SGO1: variants seen among roughly 807,000 people sequenced by gnomAD.
The protein encoded by SGO1 is shugoshin 1, also known as serologically defined breast cancer antigen NY-BR-85.
A neutral mutation model predicts 50.5 loss-of-function variants in SGO1; 39 were observed. The observed-to-expected ratio is 0.77, with a 90% CI of 0.60 to 1.01. The LOEUF (loss-of-function observed/expected upper bound fraction) is 1.01. Ranked by LOEUF, SGO1 falls within the 50% of genes least tolerant of loss-of-function variation. The pLI, the probability that SGO1 is intolerant of heterozygous loss-of-function variation, is 0.00. For synonymous variants in SGO1, 191 were observed against 205.1 expected, an observed-to-expected ratio of 0.93 and a Z score of 0.59; for missense variants, 638 against 606.0, an observed-to-expected ratio of 1.05 and a Z score of -0.55.
Position 20,171,175 on chromosome 3 carries a change from A to T in SGO1, c.1340T>A (p.Val447Asp). ...PHLSLKDITN[V>D]SLYPVVKIRR... ...GATTTTCACAACAGGATACAAGGAG[A>T]CATTGGTGATATCCTTCAGGCTAAG... Residue 447 changes from valine to aspartate, a missense_variant, in exon 7 of 8, where the codon GTC becomes GAC. Physicochemically the swap from Val to Asp is radical, Grantham distance 152 (BLOSUM62 -3). Transcript: ENST00000412997. 6.2e-7 allele frequency: 1 copy of T among 1,612,322 alleles called. No homozygotes were observed. Among genetic ancestry groups the T allele is most frequent in the Non-Finnish European group, 8.5e-7 (1 of 1,179,400 alleles).
intron 3 of SGO1, among the ~76,000 whole-genome samples, chr3:20,179,130 G>A (rs573609712): frequency 3.0e-4 from 45 of 152,142 alleles, no homozygotes; most frequent in Middle Eastern, 6.8e-3. Flanking sequence ...TGAGGGAGAG[G>A]AAAGCCTCTT....
intron 6 of SGO1, among the ~76,000 whole-genome samples, chr3:20,171,789 A>G (rs1176384849): frequency 1.3e-5 from 2 of 152,210 alleles, no homozygotes; most frequent in Non-Finnish European, 2.9e-5. Context: ...AGAATTCTAA[A>G]TAACAGCCTC....
intron 6 of SGO1, among the ~76,000 whole-genome samples, chr3:20,173,949 C>T: frequency 6.6e-6 from 1 of 152,192 alleles, no homozygotes; most frequent in East Asian, 1.9e-4. Context: ...ATAAAAGCTA[C>T]TTCAATTCAA....
At chr3:20,161,928 G>C (rs753615997) in intron 8 of SGO1, among the ~76,000 whole-genome samples, 1 of 152,136 alleles carries the variant, frequency 6.6e-6, no homozygotes, top group Non-Finnish European at 1.5e-5. Context: ...GCTAGTATAA[G>C]ATTATAATTC....
chr3:20,165,737 T>A (rs1700265075), downstream of SGO1, among the ~76,000 whole-genome samples: 4 of 152,236 alleles, frequency 2.6e-5, no homozygotes, highest in South Asian at 8.3e-4. Flanking sequence ...TTACTCATGA[T>A]CATAGATACA....
chr3:20,161,043 C>CTGCATACATT (rs763970391), exon 9 of SGO1: 18 of 1,606,920 alleles, frequency 1.1e-5, no homozygotes, highest in Non-Finnish European at 1.5e-5. Context: ...TATTAAAGGT[C>CTGCATACATT]TGCATACATT....
intron 3 of SGO1, among the ~76,000 whole-genome samples, chr3:20,182,564 T>C (rs535780864): frequency 8.5e-5 from 13 of 152,316 alleles, no homozygotes; most frequent in African/African-American, 2.6e-4. Flanking sequence ...ATTACTTTTT[T>C]CGTAAGTAAT....
intron 8 of SGO1, among the ~76,000 whole-genome samples, chr3:20,163,683 A>T (rs1335966715): frequency 6.6e-6 from 1 of 152,178 alleles, no homozygotes; most frequent in Non-Finnish European, 1.5e-5. Context: ...TCTTTGGGTA[A>T]ACGCTGCAGC....
At chr3:20,168,368 G>A (rs76911117), downstream of SGO1, among the ~76,000 whole-genome samples, 5,107 of 151,280 alleles carry the variant, frequency 0.034, 219 homozygotes, top group East Asian at 0.2. Flanking sequence ...TATAATGTAG[G>A]TACTTTACTG....
rs375490980 is a variant in SGO1 at position 20,182,205 on chromosome 3, A to G, written c.339+1403T>C. Among the ~76,000 whole-genome samples the G allele has an allele frequency of 9.8e-5, 15 of 152,300 alleles. No homozygotes were observed. The South Asian group carries it at 2.5e-3, about 25-fold the overall frequency. On this transcript the variant is annotated intron_variant, in intron 3 of 7. Transcript: ENST00000412997. ...TGTCTATGTGTGTATATATGTATAT[A>G]TTACATGTATCTTAATCACATGGAG... is the stretch of plus-strand genomic sequence containing the variant.
At chr3:20,171,262 T>TAAA in intron 6 of SGO1, 30 bp from the exon 7 acceptor site, 3 of 1,250,446 alleles carry the variant, frequency 2.4e-6, no homozygotes, top group Non-Finnish European at 3.2e-6. Flanking sequence ...GAATATGATT[T>TAAA]AAAAAAAAAA....
chr3:20,171,255 T>C (rs1700712560), intron 6 of SGO1, 23 bp from the exon 7 acceptor site: 3 of 1,518,702 alleles, frequency 2.0e-6, no homozygotes, highest in African/African-American at 1.4e-5. Context: ...TTTTACTGAA[T>C]ATGATTTAAA....
chr3:20,162,626 T>C (rs888979816), intron 8 of SGO1, among the ~76,000 whole-genome samples: 4 of 151,870 alleles, frequency 2.6e-5, no homozygotes, highest in South Asian at 2.1e-4. Flanking sequence ...AAAAGAAAAA[T>C]AGGCCAATAA....
downstream of SGO1, chr3:20,169,224 A>G (rs1370682045): frequency 3.0e-6 from 3 of 985,096 alleles, no homozygotes; most frequent in Non-Finnish European, 2.4e-6. Context: ...CAATAAAATT[A>G]TAATTTGTTA....
intron 8 of SGO1, among the ~76,000 whole-genome samples, chr3:20,161,726 G>A (rs1575170030): frequency 6.6e-6 from 1 of 152,104 alleles, no homozygotes; most frequent in East Asian, 1.9e-4. Context: ...ATGGGAAAAA[G>A]GCAATATTCA....
downstream of SGO1, among the ~76,000 whole-genome samples, chr3:20,166,715 G>A (rs1367763775): frequency 1.3e-5 from 2 of 151,680 alleles, no homozygotes; most frequent in Admixed American, 6.6e-5. Flanking sequence ...CAAATAAAAT[G>A]ATCAAAATGG....
At chr3:20,170,987 C>T in intron 7 of SGO1, 56 bp downstream of exon 7, 5 of 1,515,856 alleles carry the variant, frequency 3.3e-6, no homozygotes, top group Non-Finnish European at 3.5e-6. Context: ...GCTCCATAAC[C>T]TTATTCCCCC....
At chr3:20,165,533 G>GT (rs1241367413), downstream of SGO1, among the ~76,000 whole-genome samples, 2 of 152,244 alleles carry the variant, frequency 1.3e-5, no homozygotes, top group Non-Finnish European at 1.5e-5. Context: ...TAGAGAACAT[G>GT]TAAGACTTAT....
chr3:20,168,698 A>C (rs1299803012), downstream of SGO1, among the ~76,000 whole-genome samples: 1 of 148,422 alleles, frequency 6.7e-6, no homozygotes, highest in Non-Finnish European at 1.5e-5. Context: ...GCTGGAGTGC[A>C]GTGGCACCAT....
Sources: gnomAD v4.1 joint callset for allele counts (sites outside exome capture counted in the v4.1 genomes callset) on GRCh38, gnomAD v4.1.1 for gene constraint, MANE v1.5 for transcripts, NCBI Gene and HGNC (gene_info 2026-07-23, HGNC 2026-07-21) for gene names.